The following GPC6 variants were observed in gnomAD, a reference collection of about 807,000 sequenced individuals.
The protein encoded by GPC6 is glypican-6.
GPC6 carries 14 observed loss-of-function variants against 55.2 expected under a neutral mutation model. The ratio of observed to expected loss-of-function variants is 0.25; its 90% confidence interval spans 0.17 to 0.40. GPC6 has a LOEUF of 0.40. Among genes scored for constraint, GPC6 ranks in the 10% least tolerant of loss-of-function variants. The pLI is 1.00. For synonymous variants in GPC6, 278 were observed against 259.6 expected (o/e 1.07, Z -0.68); for missense variants, 641 against 708.5 (o/e 0.90, Z 1.08).
rs1159254129 is a variant in GPC6 at position 93,833,121 on chromosome 13, G to T, written c.711+2576G>T. Among the ~76,000 whole-genome samples, 212 of 123,858 alleles carry T rather than the reference G, an allele frequency of 1.7e-3. 2 individuals carry two copies. The highest frequency in any genetic ancestry group is 6.0e-3 in the African/African-American group (177 of 29,672). 81.3% of individuals were successfully genotyped at this position (123,858 alleles called of 152,430 possible). ...TAGGTAGATGATAGAGAGAGAGAGA[G>T]AGAGAGAGAGAGAGAGAGAGAGAGA... On this transcript the variant is annotated intron_variant, in intron 3 of 8. Transcript: ENST00000377047.
At chr13:93,710,483 C>A (rs901002313) in intron 2 of GPC6, among the ~76,000 whole-genome samples, 1 of 151,860 alleles carries the variant, frequency 6.6e-6, no homozygotes, top group Admixed American at 6.6e-5. Context: ...GTGATGTACA[C>A]AGAAACCAAT....
At chr13:93,413,200 C>T (rs1429744838) in intron 1 of GPC6, among the ~76,000 whole-genome samples, 1 of 152,106 alleles carries the variant, frequency 6.6e-6, no homozygotes. Context: ...TGAGAGAAAA[C>T]GTGTTTCTCT....
intron 6 of GPC6, among the ~76,000 whole-genome samples, chr13:94,373,083 C>G (rs1349877494): frequency 6.6e-6 from 1 of 152,092 alleles, no homozygotes; most frequent in Admixed American, 6.5e-5. Flanking sequence ...TCATCAAAGA[C>G]CAAAAGTAGA....
chr13:93,548,585 T>C (rs959257379), intron 2 of GPC6, among the ~76,000 whole-genome samples: 2 of 152,186 alleles, frequency 1.3e-5, no homozygotes, highest in Non-Finnish European at 2.9e-5. Flanking sequence ...ATTGTCTTAC[T>C]TTCTCTGTCT....
intron 3 of GPC6, among the ~76,000 whole-genome samples, chr13:93,928,240 A>G (rs532064590): frequency 2.0e-5 from 3 of 152,310 alleles, no homozygotes; most frequent in Admixed American, 2.0e-4. Flanking sequence ...ATTAAACTGT[A>G]TTGTAAAATA....
chr13:93,328,001 A>C (rs1035333837), intron 1 of GPC6, among the ~76,000 whole-genome samples: 2 of 151,960 alleles, frequency 1.3e-5, no homozygotes, highest in African/African-American at 4.8e-5. Flanking sequence ...AAACAACTTT[A>C]AAAAAATGGC....
intron 2 of GPC6, among the ~76,000 whole-genome samples, chr13:93,753,149 T>C (rs925121165): frequency 1.3e-5 from 2 of 152,208 alleles, no homozygotes; most frequent in African/African-American, 4.8e-5. Context: ...TTCCTCATGA[T>C]TGACACAGTA....
intron 7 of GPC6, among the ~76,000 whole-genome samples, chr13:94,390,911 T>A (rs1292859785): frequency 6.6e-6 from 1 of 151,824 alleles, no homozygotes; most frequent in African/African-American, 2.4e-5. Flanking sequence ...TAGGCAGAGC[T>A]GGCTGCAAAT....
chr13:93,625,269 C>T (rs72641663), intron 2 of GPC6, among the ~76,000 whole-genome samples: 1 of 152,128 alleles, frequency 6.6e-6, no homozygotes, highest in Non-Finnish European at 1.5e-5. Context: ...TTTTTCTGCC[C>T]TATTTTCCAT....
chr13:93,394,189 G>A (rs1875758029), intron 1 of GPC6, among the ~76,000 whole-genome samples: 1 of 151,976 alleles, frequency 6.6e-6, no homozygotes, highest in Non-Finnish European at 1.5e-5. Context: ...TTTCTTTCTT[G>A]TATTCTAATA....
chr13:93,985,890 A>G (rs1282320502), intron 3 of GPC6, among the ~76,000 whole-genome samples: 3 of 152,056 alleles, frequency 2.0e-5, no homozygotes, highest in African/African-American at 7.2e-5. Context: ...CCAAGAAAGA[A>G]TGGGGTTAGA....
rs1433668649 is a variant in GPC6, at chr13:93,227,888, T to C, written c.160+272T>C. 6.6e-6 allele frequency among the ~76,000 whole-genome samples: 1 copy of C among 152,128 alleles called. No homozygotes were observed. The highest frequency in any genetic ancestry group is 1.5e-5 in the Non-Finnish European group (1 of 68,008). Reference sequence around the variant, plus strand: ...GCTCTCGCGCCCTTCTACCCCTTAGTTGATGGCTCAGGCCCGGCTGGCCAG... The same window carrying C: ...GCTCTCGCGCCCTTCTACCCCTTAGCTGATGGCTCAGGCCCGGCTGGCCAG... On this transcript the variant is annotated intron_variant, in intron 1 of 8. Coordinates refer to ENST00000377047, the MANE Select transcript of GPC6 (RefSeq NM_005708.5). The surrounding 1 kb of genome is among the most constrained non-coding windows in gnomAD (Gnocchi z 4.3).
chr13:94,123,675 T>TGTG (rs1566435907), intron 4 of GPC6, among the ~76,000 whole-genome samples: 1 of 151,664 alleles, frequency 6.6e-6, no homozygotes, highest in Non-Finnish European at 1.5e-5. Context: ...GTGTGTGTGT[T>TGTG]TGTATGCATG....
intron 1 of GPC6, among the ~76,000 whole-genome samples, chr13:93,232,099 C>CTTT (rs5805794): frequency 1.4e-5 from 2 of 147,128 alleles, no homozygotes; most frequent in African/African-American, 2.5e-5. Context: ...ATTTACACAA[C>CTTT]TTTTTTTTTT....
chr13:94,069,474 T>A (rs990204137), intron 4 of GPC6, among the ~76,000 whole-genome samples: 1 of 152,250 alleles, frequency 6.6e-6, no homozygotes, highest in African/African-American at 2.4e-5. Context: ...TCATTACTTA[T>A]GCAAATTTCT....
Position 93,391,936 on chromosome 13 carries a change from T to C in GPC6, c.161-153327T>C, listed in dbSNP as rs183220968. Among the ~76,000 whole-genome samples the C allele has an allele frequency of 1.1e-4, 17 of 152,312 alleles. 1 individual carries two copies. Among genetic ancestry groups the C allele is most frequent in the African/African-American group, 3.6e-4 (15 of 41,580 alleles). On this transcript the variant is annotated intron_variant, in intron 1 of 8. Coordinates refer to ENST00000377047, the MANE Select transcript of GPC6 (RefSeq NM_005708.5). The stretch of plus-strand genomic sequence containing the variant: ...ATTGAACGTCTAGTTTCTCAGCTGC[T>C]GAGCTGTATTTTTTGAGCTATATAT...
intron 1 of GPC6, among the ~76,000 whole-genome samples, chr13:93,531,912 A>G (rs6492665): frequency 0.47 from 71,506 of 151,916 alleles, 17,743 homozygotes; most frequent in African/African-American, 0.63. Context: ...ACCTGCTGCT[A>G]GGGAAATGGA....
At chr13:93,694,153 T>TA (rs1218950628) in intron 2 of GPC6, among the ~76,000 whole-genome samples, 3 of 152,150 alleles carry the variant, frequency 2.0e-5, no homozygotes, top group African/African-American at 7.2e-5. Flanking sequence ...ATTTCTGAAA[T>TA]AAAAAACATG....
At chr13:93,314,901 GTTT>G (rs1439758015) in intron 1 of GPC6, among the ~76,000 whole-genome samples, 11 of 151,994 alleles carry the variant, frequency 7.2e-5, no homozygotes, top group Non-Finnish European at 1.2e-4. Context: ...GTTTTGTTTT[GTTT>G]GTTTGTTTGT....
Sources: gnomAD v4.1 joint callset for allele counts (sites outside exome capture counted in the v4.1 genomes callset) on GRCh38, gnomAD v4.1.1 for gene constraint, Gnocchi (gnomAD v3.1) non-coding constraint, MANE v1.5 for transcripts, NCBI Gene and HGNC (gene_info 2026-07-23, HGNC 2026-07-21) for gene names.